DLC1: variants seen among roughly 807,000 people sequenced by gnomAD.
DLC1 encodes DLC1 Rho GTPase activating protein.
A neutral mutation model predicts 140.3 loss-of-function variants in DLC1; 54 were observed. The ratio of observed to expected loss-of-function variants is 0.38; its 90% CI spans 0.31 to 0.48. The LOEUF (loss-of-function observed/expected upper bound fraction) is 0.48, where lower values mean the gene tolerates loss of function less well. Ranked by LOEUF, DLC1 falls within the 20% of genes least tolerant of loss-of-function variation. DLC1 has a pLI of 0.96. For synonymous variants in DLC1, 986 were observed against 728.1 expected, an observed-to-expected ratio of 1.35 and a Z score of -5.70; for missense variants, 2,536 against 1,907.0, an observed-to-expected ratio of 1.33 and a Z score of -6.14.
chr8:13,538,358 G>A (rs1470836274), intron 1 of DLC1, among the ~76,000 whole-genome samples: 1 of 148,870 alleles, frequency 6.7e-6, no homozygotes, highest in East Asian at 1.9e-4. Flanking sequence ...AGTGGTGCCA[G>A]CACTGAGTAT....
intron 5 of DLC1, among the ~76,000 whole-genome samples, chr8:13,297,427 G>C (rs957391463): frequency 6.6e-6 from 1 of 151,846 alleles, no homozygotes; most frequent in East Asian, 1.9e-4. Flanking sequence ...TTCACGTCTT[G>C]CTAAACCCCA....
rs560167581 is a variant in DLC1, at chr8:13,419,328, T to G, written c.1024-17709A>C. ...GGGAATGCTTCCAGTTTTTGCCCAT[T>G]CAGTATGATATTGGCTGTGGGTTTG... On this transcript the variant is annotated intron_variant, in intron 2 of 17. Transcript: ENST00000276297. 1.8e-4 allele frequency among the ~76,000 whole-genome samples: 27 copies of G among 152,210 alleles called. No homozygotes were observed. In the South Asian group the frequency reaches 5.0e-3, roughly 28 times the overall value.
At chr8:13,451,956 A>G (rs1799081019) in intron 2 of DLC1, among the ~76,000 whole-genome samples, 1 of 152,158 alleles carries the variant, frequency 6.6e-6, no homozygotes. Context: ...ACTGTTCTCC[A>G]TAGTGGTTGT....
intron 1 of DLC1, among the ~76,000 whole-genome samples, chr8:13,601,573 T>C (rs1220223236): frequency 6.6e-6 from 1 of 151,276 alleles, no homozygotes; most frequent in East Asian, 1.9e-4. Flanking sequence ...AGACTTACAA[T>C]ATGAAGCTGG....
chr8:13,149,007 C>T (rs1962907), intron 5 of DLC1, among the ~76,000 whole-genome samples: 33,732 of 151,862 alleles, frequency 0.22, 4,129 homozygotes, highest in African/African-American at 0.32. Flanking sequence ...TTAGCCAGGA[C>T]GGTCTCGATC....
At position 13,086,444 on chromosome 8, in the gene DLC1, G is replaced by A. The variant is rs772706017; in HGVS notation, c.4312C>T (p.Pro1438Ser). The stretch of plus-strand genomic sequence containing the variant: ...AGTAAAAGGGCACAGGCTCCTTTGG[G>A]TAAATTAGTCCTCCAGGTTCTGTAG... ...VVLRTWRTNL[P>S]KGACALLLTS... Residue 1438 changes from proline to serine, a missense_variant, in exon 17 of 18, where the codon CCC becomes TCC. Coordinates refer to ENST00000276297, the MANE Select transcript of DLC1 (RefSeq NM_182643.3). 1 of 1,614,096 alleles carries A rather than the reference G, an allele frequency of 6.2e-7. No homozygotes were observed. Among genetic ancestry groups the A allele is most frequent in the East Asian group, 2.2e-5 (1 of 44,876 alleles).
intron 5 of DLC1, among the ~76,000 whole-genome samples, chr8:13,191,840 T>C (rs1450308727): frequency 6.6e-6 from 1 of 152,112 alleles, no homozygotes; most frequent in African/African-American, 2.4e-5. Flanking sequence ...GTACTAACTC[T>C]GTAGTCCTTT....
chr8:13,456,884 A>G (rs558057187), intron 2 of DLC1, among the ~76,000 whole-genome samples: 6 of 152,338 alleles, frequency 3.9e-5, no homozygotes, highest in Admixed American at 3.9e-4. Context: ...AGACTGGTGC[A>G]GCTGTATATC....
intron 4 of DLC1, among the ~76,000 whole-genome samples, chr8:13,307,976 T>C (rs918597809): frequency 4.6e-5 from 7 of 152,204 alleles, no homozygotes; most frequent in Admixed American, 1.3e-4. Context: ...TAGGAATATT[T>C]TGTATGAGAC....
intron 5 of DLC1, among the ~76,000 whole-genome samples, chr8:13,176,504 G>A (rs375056079): frequency 3.3e-5 from 5 of 152,130 alleles, no homozygotes; most frequent in African/African-American, 9.7e-5. Flanking sequence ...GTGTGAACCC[G>A]GCAGGTGGAG....
intron 1 of DLC1, among the ~76,000 whole-genome samples, chr8:13,513,023 C>A (rs1245402856): frequency 6.8e-6 from 1 of 147,316 alleles, no homozygotes; most frequent in African/African-American, 2.5e-5. Context: ...TGCAAAGCAC[C>A]CTTCTACTGG....
rs771203743 is a variant in DLC1 at position 13,099,945 on chromosome 8, G to A, written c.2392C>T (p.Arg798Cys). The A allele has an allele frequency of 3.7e-6, 6 of 1,613,266 alleles. No individual in the cohort carries two copies. In the South Asian group the frequency reaches 4.4e-5, roughly 12 times the overall value. The change falls in exon 9 of 18, where the codon CGC becomes TGC. Residue 798 changes from arginine (R) to cysteine (C), a missense_variant. Arg to Cys is a radical substitution (Grantham distance 180). Coordinates refer to ENST00000276297, the MANE Select transcript of DLC1 (RefSeq NM_182643.3). ...NNVVEQNFKN[R>C]ESYPEDTVFY... ...ACCGTGTCCTCTGGGTAGCTCTCGC[G>A]GTTCTTAAAGTTCTGCTCCACCACG...
chr8:13,217,953 C>T (rs1000041133), intron 5 of DLC1, among the ~76,000 whole-genome samples: 3 of 152,096 alleles, frequency 2.0e-5, no homozygotes, highest in African/African-American at 7.2e-5. Context: ...TTTGCTCACT[C>T]TGGGAACCAT....
At chr8:13,388,195 TAATA>T (rs1836605889) in intron 4 of DLC1, among the ~76,000 whole-genome samples, 1 of 152,048 alleles carries the variant, frequency 6.6e-6, no homozygotes, top group Non-Finnish European at 1.5e-5. Context: ...TAGACATCTT[TAATA>T]AATAACACTC....
intron 2 of DLC1, among the ~76,000 whole-genome samples, chr8:13,444,111 T>TC (rs1798670329): frequency 8.9e-5 from 4 of 45,064 alleles, no homozygotes; most frequent in Admixed American, 6.4e-4. Flanking sequence ...TCCTGGTTTG[T>TC]TTTTTTTGTA....
chr8:13,349,026 A>G (rs1025092930), intron 4 of DLC1, among the ~76,000 whole-genome samples: 4 of 152,188 alleles, frequency 2.6e-5, no homozygotes, highest in Admixed American at 1.3e-4. Context: ...TGTAGCACTA[A>G]GATTCGTAGA....
At position 13,537,802 on chromosome 8, in the gene DLC1, C is replaced by T. The variant is rs565771180; in HGVS notation, c.-125-37606G>A. On this transcript the variant is annotated intron_variant, in intron 1 of 1. Transcript: ENST00000631382. Reference sequence around the variant, plus strand: ...CTGAGTAGCTAGGACTACAGGCGCCCGCCACCATGCCCGCCTAATTTTTTG... The same window carrying T: ...CTGAGTAGCTAGGACTACAGGCGCCTGCCACCATGCCCGCCTAATTTTTTG... 4.1e-3 allele frequency among the ~76,000 whole-genome samples: 620 copies of T among 151,928 alleles called. 5 individuals are homozygous for T. Among genetic ancestry groups the T allele is most frequent in the African/African-American group, 0.014 (599 of 41,414 alleles).
intron 2 of DLC1, among the ~76,000 whole-genome samples, chr8:13,410,521 A>G (rs1468400847): frequency 1.3e-5 from 2 of 152,164 alleles, no homozygotes; most frequent in African/African-American, 4.8e-5. Flanking sequence ...GAAAAACGCA[A>G]GACCACTCTT....
chr8:13,445,264 A>G lies in DLC1; in HGVS notation c.1024-43645T>C, dbSNP rs1211527425. Among the ~76,000 whole-genome samples, 3 of 152,314 alleles carry G rather than the reference A, an allele frequency of 2.0e-5. No individual in the cohort carries two copies. The South Asian group carries it at 6.2e-4, about 32-fold the overall frequency. ...GGGCAGTTGGCCACAGATGGCTGTT[A>G]TTCATCACATCTTTAACCAGGGAAC... On this transcript the variant is annotated intron_variant, in intron 2 of 17. Transcript: ENST00000276297.
Sources: gnomAD v4.1 joint callset for allele counts (sites outside exome capture counted in the v4.1 genomes callset) on GRCh38, gnomAD v4.1.1 for gene constraint, MANE v1.5 for transcripts, NCBI Gene and HGNC (gene_info 2026-07-23, HGNC 2026-07-21) for gene names.